Variants in HPS4 observed in about 807,000 individuals in gnomAD.
HPS4 encodes the protein HPS4 biogenesis of lysosomal organelles complex 3 subunit 2, also known as BLOC-3 complex member HPS4.
A neutral mutation model predicts 70.3 loss-of-function variants in HPS4; 44 were observed. The ratio of observed to expected loss-of-function variants is 0.63; its 90% CI spans 0.49 to 0.80. The LOEUF is 0.80. Among genes scored for constraint, HPS4 ranks in the 30% least tolerant of loss-of-function variants. The pLI is 0.00. For missense variants in HPS4, 873 were observed against 884.4 expected, an observed-to-expected ratio of 0.99 and a Z score of 0.16; for synonymous variants, 377 against 355.9, an observed-to-expected ratio of 1.06 and a Z score of -0.67.
rs370283156 is a variant in HPS4 at position 26,458,821 on chromosome 22, G to GA, written c.1714-245dup. Among the ~76,000 whole-genome samples, 576 of 125,924 alleles carry GA rather than the reference G, an allele frequency of 4.6e-3. 3 individuals are homozygous for GA. The highest frequency in any genetic ancestry group is 0.013 in the African/African-American group (414 of 32,102). The allele number at this position is 125,924 out of a possible 152,430, so 82.6% of individuals were successfully genotyped here. On this transcript the variant is annotated intron_variant, in intron 11 of 13. Transcript: ENST00000398145. ...GGGTGATAGAGTGAGACTCTGTCTC[G>GA]AAAAAAAAAAAAAAAAATCATTCAT...
chr22:26,462,129 A>G lies in HPS4; in HGVS notation c.1713+1788T>C, dbSNP rs1050666427. Among the ~76,000 whole-genome samples the G allele has an allele frequency of 1.4e-3, 204 of 145,440 alleles. 1 individual carries two copies. Among genetic ancestry groups the G allele is most frequent in the African/African-American group, 4.8e-3 (192 of 40,188 alleles). On this transcript the variant is annotated intron_variant, in intron 11 of 13. Transcript: ENST00000398145. The stretch of plus-strand genomic sequence containing the variant: ...CAACAAGAGCGGAACTCCATCTCAA[A>G]AAAAAAAAAAAAAAAGAAGAAAAGA...
chr22:26,472,168 G>A, intron 6 of HPS4, 134 bp downstream of exon 6: 1 of 740,380 alleles, frequency 1.4e-6, no homozygotes, highest in Non-Finnish European at 2.5e-6. Flanking sequence ...GAGGTGACCT[G>A]CCGTGTCATG....
chr22:26,471,424 G>T (rs2089788749), intron 6 of HPS4: 1 of 456,000 alleles, frequency 2.2e-6, no homozygotes, highest in Non-Finnish European at 4.4e-6. Flanking sequence ...ACCTGGTCAG[G>T]AAGAGCCAGC....
Position 26,477,085 on chromosome 22 carries a change from G to A in HPS4, c.184C>T (p.Arg62Cys), listed in dbSNP as rs149126501. ...LLCGQIAGVV[R>C]CVSDISDSPP... The stretch of plus-strand genomic sequence containing the variant: ...GAGTCAGAAATGTCAGAAACACAGC[G>A]GACAACTCCAGCAATCTGTCCACAA... Residue 62 changes from arginine (R) to cysteine (C), a missense_variant, in exon 4 of 14, where the codon CGC (arginine) becomes TGC (cysteine). Arg to Cys is a radical substitution (Grantham distance 180, BLOSUM62 -3). Transcript: ENST00000398145. The A allele has an allele frequency of 3.8e-5, 61 of 1,614,054 alleles. No homozygotes were observed. Among genetic ancestry groups the A allele is most frequent in the African/African-American group, 1.5e-4 (11 of 75,014 alleles).
intron 6 of HPS4, chr22:26,471,095 A>G (rs906878538): frequency 3.8e-6 from 2 of 526,396 alleles, no homozygotes; most frequent in African/African-American, 1.9e-5. Context: ...CAAAGGGGTC[A>G]AAGTAGATGG....
At position 26,452,645 on chromosome 22, in the gene HPS4, TGAGTA is replaced by T. The variant is rs909511730; in HGVS notation, c.*583_*587del. On this transcript the variant is annotated 3_prime_UTR_variant, in exon 14 of 14. Coordinates refer to ENST00000398145, the MANE Select transcript of HPS4 (RefSeq NM_022081.6). ...GGTCCAAAGAAGACGCCCCTAGATT[TGAGTA>T]GAGTTCCAACAGAATTCAACCAAGT... is the stretch of plus-strand genomic sequence containing the variant. 6 of 256,746 alleles carry T rather than the reference TGAGTA, an allele frequency of 2.3e-5. No homozygotes were observed. The highest frequency in any genetic ancestry group is 3.9e-5 in the Non-Finnish European group (5 of 129,178). 15.9% of individuals were successfully genotyped at this position (256,746 alleles called of 1,614,324 possible).
In HPS4 at chr22:26,453,422, A is replaced by G; in HGVS notation, c.1956-18T>C. 4 of 1,613,148 alleles carry G rather than the reference A, an allele frequency of 2.5e-6. No individual in the cohort carries two copies. The highest frequency in any genetic ancestry group is 3.4e-6 in the Non-Finnish European group (4 of 1,179,920). The stretch of plus-strand genomic sequence containing the variant: ...AGGCATTTCTGTTGGAGGAAGAAAG[A>G]AGGCAACGGTCCAATGCTGCTGGTG... On this transcript the variant is annotated intron_variant, in intron 13 of 13. Coordinates refer to ENST00000398145, the MANE Select transcript of HPS4 (RefSeq NM_022081.6).
chr22:26,465,701 A>G (rs1029512975), intron 9 of HPS4, 150 bp from the exon 10 acceptor site: 13 of 669,060 alleles, frequency 1.9e-5, no homozygotes, highest in Admixed American at 5.2e-5. Flanking sequence ...ACAGGTTGCC[A>G]AACTGCACCT....
In HPS4 at chr22:26,456,472, A is replaced by C. The variant is rs923192659; in HGVS notation, c.1955+1387T>G. ...TCAAAACATTGAGACTATCCTGGCC[A>C]ACATGGTGAAACCCTATCTCTACTA... On this transcript the variant is annotated intron_variant, in intron 13 of 13. Transcript: ENST00000398145. Among the ~76,000 whole-genome samples, 10 of 152,368 alleles carry C rather than the reference A, an allele frequency of 6.6e-5. No individual in the cohort carries two copies. In the East Asian group the frequency reaches 1.7e-3, roughly 26 times the overall value.
chr22:26,482,972 T>G (rs1378579045), intron 1 of HPS4: 1 of 152,256 alleles, frequency 6.6e-6, no homozygotes, highest in Non-Finnish European at 1.5e-5. Context: ...TTCTCCAAGC[T>G]TAATGCTTTA....
downstream of HPS4, among the ~76,000 whole-genome samples, chr22:26,450,260 G>A (rs952371208): frequency 6.6e-6 from 1 of 152,192 alleles, no homozygotes; most frequent in African/African-American, 2.4e-5. Context: ...CAGGGAAGTG[G>A]CCTGTGGCAG....
chr22:26,445,480 G>A (rs1424464189), intron 3 of HPS4, among the ~76,000 whole-genome samples: 1 of 152,202 alleles, frequency 6.6e-6, no homozygotes, highest in African/African-American at 2.4e-5. Flanking sequence ...CTAGTGGGGT[G>A]GGGACAAGAG....
At chr22:26,455,503 G>A (rs960187070) in intron 13 of HPS4, among the ~76,000 whole-genome samples, 4 of 146,770 alleles carry the variant, frequency 2.7e-5, no homozygotes, top group African/African-American at 1.0e-4. Flanking sequence ...AACACCACAT[G>A]TTCTCACTCA....
In HPS4 at chr22:26,453,389, A is replaced by G. The variant is rs955879389; in HGVS notation, c.1971T>C (p.Ala657=). The G allele has an allele frequency of 1.2e-6, 2 of 1,614,004 alleles. No individual in the cohort carries two copies. The highest frequency in any genetic ancestry group is 2.7e-5 in the African/African-American group (2 of 74,944). Residue 657 remains alanine, a synonymous_variant, in exon 14 of 14, where the codon GCT becomes GCC. Coordinates refer to ENST00000398145, the MANE Select transcript of HPS4 (RefSeq NM_022081.6). The part of the protein sequence containing the change: ...YEMTVRNAST[A]VYACCNPIQE... The stretch of plus-strand genomic sequence containing the variant: ...GGATGGGGTTGCAACAGGCGTACAC[A>G]GCCGTGGAGGCATTTCTGTTGGAGG...
At chr22:26,449,594 G>C (rs2085072716), downstream of HPS4, among the ~76,000 whole-genome samples, 1 of 152,088 alleles carries the variant, frequency 6.6e-6, no homozygotes. Flanking sequence ...GCCTCCCAAA[G>C]TGCTGGGATT....
At chr22:26,445,842 A>G (rs890565456) in intron 3 of HPS4, among the ~76,000 whole-genome samples, 1 of 152,234 alleles carries the variant, frequency 6.6e-6, no homozygotes, top group Non-Finnish European at 1.5e-5. Flanking sequence ...GTCTAATCAC[A>G]GAGGAAGAAA....
chr22:26,479,603 G>C (rs2091049463), intron 2 of HPS4: 15 of 1,339,302 alleles, frequency 1.1e-5, no homozygotes, highest in African/African-American at 1.5e-5. Flanking sequence ...GACACGAGTA[G>C]CTAGAAAAAA....
chr22:26,475,347 C>CTTTTTTTTTTT (rs5844705), intron 4 of HPS4: 1 of 95,644 alleles, frequency 1.0e-5, no homozygotes, highest in Admixed American at 1.2e-4. Context: ...CATTAAATTT[C>CTTTTTTTTTTT]TTTTTTTTTT....
At chr22:26,469,264 T>C (rs114353288) in intron 7 of HPS4, among the ~76,000 whole-genome samples, 7 of 110,798 alleles carry the variant, frequency 6.3e-5, no homozygotes, top group Admixed American at 2.6e-4. Context: ...ATGAGCAACA[T>C]AGTGAGATCC....
Sources: gnomAD v4.1 joint callset for allele counts (sites outside exome capture counted in the v4.1 genomes callset) on GRCh38, gnomAD v4.1.1 for gene constraint, MANE v1.5 for transcripts, NCBI Gene and HGNC (gene_info 2026-07-23, HGNC 2026-07-21) for gene names.